The following PPM1D variants were observed in gnomAD, a reference collection of about 807,000 sequenced individuals.
PPM1D encodes protein phosphatase 1D.
In PPM1D, 52 loss-of-function variants were observed where a neutral mutation model predicts 58.3. The ratio of observed to expected loss-of-function variants is 0.89; its 90% confidence interval spans 0.71 to 1.12. The LOEUF is 1.12. PPM1D is among the 50% of genes most tolerant of loss of function. The pLI is 0.00. For synonymous variants in PPM1D, 278 were observed against 285.1 expected (o/e 0.98, Z 0.25); for missense variants, 564 against 777.2 (o/e 0.73, Z 3.26).
chr17:60,628,914 C>A (rs1334923432), intron 2 of PPM1D, among the ~76,000 whole-genome samples: 2 of 152,104 alleles, frequency 1.3e-5, no homozygotes, highest in South Asian at 2.1e-4. Flanking sequence ...AATCTTTAAT[C>A]CTTCTGGAAT....
Position 60,645,570 on chromosome 17 carries a change from ATGTATATATATATG to A in PPM1D, c.827-2318_827-2305del, listed in dbSNP as rs2031229854. ...TGTATATATATGTGTGTGTATATATATGTATATATATATGTGTGTATATATATGTATATATATGT... is the reference window on the plus strand; with the variant it reads ...TGTATATATATGTGTGTGTATATATATGTGTATATATATGTATATATATGT... On this transcript the variant is annotated intron_variant, in intron 3 of 5. Transcript: ENST00000305921. Among the ~76,000 whole-genome samples, 4 of 137,086 alleles carry A rather than the reference ATGTATATATATATG, an allele frequency of 2.9e-5. No homozygotes were observed. In the Admixed American group the frequency reaches 3.0e-4, roughly 10 times the overall value. 89.9% of individuals were successfully genotyped at this position (137,086 alleles called of 152,430 possible).
intron 4 of PPM1D, among the ~76,000 whole-genome samples, chr17:60,655,512 CTAA>C (rs2031421598): frequency 6.6e-6 from 1 of 152,014 alleles, no homozygotes; most frequent in African/African-American, 2.4e-5. Flanking sequence ...CCATGCCTGA[CTAA>C]TTTTTGTATT....
At chr17:60,646,044 G>A (rs954260134) in intron 3 of PPM1D, among the ~76,000 whole-genome samples, 1 of 152,042 alleles carries the variant, frequency 6.6e-6, no homozygotes, top group Non-Finnish European at 1.5e-5. Flanking sequence ...AGAGGTTGAC[G>A]TAGGAGGATC....
chr17:60,629,512 AT>A (rs1347747474), intron 2 of PPM1D, among the ~76,000 whole-genome samples: 1 of 152,152 alleles, frequency 6.6e-6, no homozygotes, highest in Non-Finnish European at 1.5e-5. Context: ...GCTATAGTCT[AT>A]TTGATCTTGT....
At chr17:60,659,941 G>GA (rs1271018339) in intron 5 of PPM1D, among the ~76,000 whole-genome samples, 48 of 152,366 alleles carry the variant, frequency 3.2e-4, no homozygotes, top group South Asian at 1.0e-3. Flanking sequence ...GCTGGGTGTG[G>GA]TGGCTCACGC....
intron 1 of PPM1D, among the ~76,000 whole-genome samples, chr17:60,604,124 A>G (rs940386266): frequency 2.0e-5 from 3 of 152,244 alleles, no homozygotes; most frequent in African/African-American, 7.2e-5. Context: ...TTGGAAAATA[A>G]TGGTTCACTC....
chr17:60,642,319 T>C (rs1352651400), intron 3 of PPM1D, among the ~76,000 whole-genome samples: 1 of 148,838 alleles, frequency 6.7e-6, no homozygotes, highest in Non-Finnish European at 1.5e-5. Context: ...TAAGTCTATA[T>C]AGAGATAAAA....
chr17:60,644,722 A>C (rs1439684222), intron 3 of PPM1D, among the ~76,000 whole-genome samples: 1 of 152,234 alleles, frequency 6.6e-6, no homozygotes, highest in Non-Finnish European at 1.5e-5. Context: ...GATAATCTTC[A>C]AAAGAACTAC....
At chr17:60,655,988 A>G (rs1478820748) in intron 4 of PPM1D, among the ~76,000 whole-genome samples, 1 of 152,004 alleles carries the variant, frequency 6.6e-6, no homozygotes, top group Non-Finnish European at 1.5e-5. Context: ...GGCATGAGCC[A>G]TTGCGTCTGG....
At position 60,635,727 on chromosome 17, in the gene PPM1D, A is replaced by G. The variant is rs540046860; in HGVS notation, c.826+1750A>G. Among the ~76,000 whole-genome samples, 5 of 152,274 alleles carry G rather than the reference A, an allele frequency of 3.3e-5. No homozygotes were observed. In the East Asian group the frequency reaches 7.7e-4, roughly 23 times the overall value. On this transcript the variant is annotated intron_variant, in intron 3 of 5. Transcript: ENST00000305921. ...GGCCTCACTCATCCAAGGAATACCA[A>G]TTGGGAGACTCAGTTCAGAGATATC...
At chr17:60,624,287 AAG>A (rs1321569556) in intron 2 of PPM1D, among the ~76,000 whole-genome samples, 2 of 152,230 alleles carry the variant, frequency 1.3e-5, no homozygotes, top group African/African-American at 2.4e-5. Context: ...TCTAAAAATC[AAG>A]AGAGTGAATA....
At chr17:60,653,708 C>A (rs1176086722) in intron 4 of PPM1D, among the ~76,000 whole-genome samples, 1 of 152,176 alleles carries the variant, frequency 6.6e-6, no homozygotes, top group Non-Finnish European at 1.5e-5. Flanking sequence ...CAATTTCTTT[C>A]ATCAGTATTT....
intron 1 of PPM1D, among the ~76,000 whole-genome samples, chr17:60,601,270 C>G (rs1376641314): frequency 6.6e-6 from 1 of 152,186 alleles, no homozygotes; most frequent in East Asian, 1.9e-4. Flanking sequence ...TGTAGTGTTT[C>G]CTTAGAGAAT....
At chr17:60,614,747 A>G (rs1425689469) in intron 1 of PPM1D, among the ~76,000 whole-genome samples, 3 of 151,818 alleles carry the variant, frequency 2.0e-5, no homozygotes, top group Non-Finnish European at 4.4e-5. Flanking sequence ...GGAACGAACA[A>G]CTCCAGACGC....
chr17:60,630,300 T>C (rs2030894797), intron 2 of PPM1D, among the ~76,000 whole-genome samples: 1 of 152,132 alleles, frequency 6.6e-6, no homozygotes, highest in East Asian at 1.9e-4. Context: ...TTCTTGTTTG[T>C]TTTTTTACTT....
intron 1 of PPM1D, among the ~76,000 whole-genome samples, chr17:60,622,713 T>C (rs899796348): frequency 1.3e-5 from 2 of 152,230 alleles, no homozygotes; most frequent in South Asian, 2.1e-4. Context: ...AGATAATACA[T>C]GTAAAGCTCT....
At chr17:60,608,724 A>T (rs2030384990) in intron 1 of PPM1D, among the ~76,000 whole-genome samples, 1 of 150,940 alleles carries the variant, frequency 6.6e-6, no homozygotes, top group Admixed American at 6.6e-5. Flanking sequence ...CATCCTCACT[A>T]TTTTTTTTAT....
chr17:60,627,609 A>T (rs945531474), intron 2 of PPM1D, among the ~76,000 whole-genome samples: 16 of 151,812 alleles, frequency 1.1e-4, no homozygotes, highest in African/African-American at 3.4e-4. Flanking sequence ...TTTAGTAGAA[A>T]CGGGGTTTCA....
At position 60,663,345 on chromosome 17, in the gene PPM1D, AT is replaced by A; in HGVS notation, c.1613del (p.Leu538Ter). Reference protein sequence around the residue: ...RTPPTNFKRTLEESNSGPLMK... With the variant: ...RTPPTNFKRTXEESNSGPLMK... ...CCCCTCCAACAAACTTTAAAAGGAC[AT>A]TAGAAGAGTCCAATTCTGGCCCCCT... On this transcript the variant is annotated frameshift_variant, in exon 6 of 6. Transcript: ENST00000305921. LOFTEE classifies it high-confidence loss of function. 6.2e-7 allele frequency: 1 copy of A among 1,614,218 alleles called. No individual in the cohort carries two copies. Among genetic ancestry groups the A allele is most frequent in the Non-Finnish European group, 8.5e-7 (1 of 1,180,032 alleles).
Sources: allele counts gnomAD v4.1 joint callset (sites outside exome capture counted in the v4.1 genomes callset), GRCh38; gene constraint gnomAD v4.1.1; transcripts MANE v1.5; gene names NCBI Gene and HGNC (gene_info 2026-07-23, HGNC 2026-07-21).